RANBP2: variants seen among roughly 807,000 people sequenced by gnomAD.
The protein encoded by RANBP2 is RAN binding protein 2.
In RANBP2, 57 loss-of-function variants were observed where a neutral mutation model predicts 303.6. That is an observed-to-expected ratio of 0.19 (90% CI 0.15 to 0.23). The LOEUF (loss-of-function observed/expected upper bound fraction) is 0.23. Ranked by LOEUF, RANBP2 falls within the 10% of genes least tolerant of loss-of-function variation. The pLI is 1.00. For synonymous variants in RANBP2, 1,167 were observed against 1,301.5 expected (o/e 0.90, Z 2.23); for missense variants, 3,138 against 3,780.8 (o/e 0.83, Z 4.46).
At chr2:108,941,075 G>A in the RANBP2 span, among the ~76,000 whole-genome samples, 498 of 152,228 alleles carry the variant, frequency 3.3e-3, 4 homozygotes, top group African/African-American at 0.011. Flanking sequence ...GATTTTGCCT[G>A]TTCTAGATCT....
At chr2:109,330,978 G>A in the RANBP2 span, among the ~76,000 whole-genome samples, 1 of 152,218 alleles carries the variant, frequency 6.6e-6, no homozygotes, top group East Asian at 1.9e-4. Flanking sequence ...GTTGTGCCAT[G>A]CATTAGTTCA....
At chr2:108,980,154 G>A in the RANBP2 span, among the ~76,000 whole-genome samples, 3 of 152,132 alleles carry the variant, frequency 2.0e-5, no homozygotes, top group Non-Finnish European at 2.9e-5. Flanking sequence ...CACTTTCTCT[G>A]TTCTCAACCT....
the RANBP2 span, among the ~76,000 whole-genome samples, chr2:109,280,054 G>A: frequency 3.3e-5 from 5 of 152,130 alleles, no homozygotes; most frequent in Non-Finnish European, 5.9e-5. Flanking sequence ...TGCCAGCCAG[G>A]CTCCCCTCCT....
At chr2:108,922,554 A>G in the RANBP2 span, among the ~76,000 whole-genome samples, 1 of 152,132 alleles carries the variant, frequency 6.6e-6, no homozygotes, top group South Asian at 2.1e-4. Context: ...CCAGCGTGAT[A>G]AGACGCAGGC....
the RANBP2 span, among the ~76,000 whole-genome samples, chr2:109,330,239 G>A: frequency 6.6e-6 from 1 of 152,188 alleles, no homozygotes; most frequent in East Asian, 1.9e-4. Context: ...TCTGTGGGTT[G>A]CAGAAAGAAG....
chr2:108,732,171 A>C (rs1237458617), intron 4 of RANBP2, among the ~76,000 whole-genome samples: 1 of 152,168 alleles, frequency 6.6e-6, no homozygotes, highest in African/African-American at 2.4e-5. Context: ...TTCTATCCCC[A>C]TTATATATGT....
the RANBP2 span, among the ~76,000 whole-genome samples, chr2:109,335,318 G>A: frequency 5.4e-4 from 82 of 152,252 alleles, 1 homozygote; most frequent in Non-Finnish European, 1.1e-3. Flanking sequence ...CTCTCCCTAT[G>A]CCTCAAGTTT....
At chr2:108,931,000 C>G in the RANBP2 span, 2 of 1,613,986 alleles carry the variant, frequency 1.2e-6, no homozygotes, top group Admixed American at 3.3e-5. Flanking sequence ...GCGTGCAGTC[C>G]CCCACATGGG....
chr2:109,139,249 C>T, the RANBP2 span, among the ~76,000 whole-genome samples: 1 of 152,154 alleles, frequency 6.6e-6, no homozygotes, highest in Non-Finnish European at 1.5e-5. Context: ...GCGTGCAGAG[C>T]ATCAAGAATG....
chr2:109,159,402 G>A, the RANBP2 span, among the ~76,000 whole-genome samples: 2 of 152,232 alleles, frequency 1.3e-5, no homozygotes, highest in East Asian at 3.9e-4. Flanking sequence ...ACCAGGGCGG[G>A]CATGAGGCTG....
At chr2:109,544,128 A>G in the RANBP2 span, 1 of 1,529,466 alleles carries the variant, frequency 6.5e-7, no homozygotes, top group Non-Finnish European at 8.8e-7. Flanking sequence ...AGTATCATTC[A>G]CTCTGGCTTA....
At chr2:109,046,229 G>A in the RANBP2 span, among the ~76,000 whole-genome samples, 4 of 150,404 alleles carry the variant, frequency 2.7e-5, no homozygotes, top group Non-Finnish European at 3.0e-5. Context: ...GCTTGAACCC[G>A]GGAGGCGAAG....
At chr2:109,181,037 G>A in the RANBP2 span, among the ~76,000 whole-genome samples, 1 of 152,156 alleles carries the variant, frequency 6.6e-6, no homozygotes, top group African/African-American at 2.4e-5. Flanking sequence ...AAAGTCCTTT[G>A]ATGGCCAGCC....
the RANBP2 span, among the ~76,000 whole-genome samples, chr2:109,342,004 A>G: frequency 6.6e-6 from 1 of 152,200 alleles, no homozygotes; most frequent in South Asian, 2.1e-4. Flanking sequence ...CTTGGTGTGT[A>G]TACAATTAGG....
chr2:109,545,485 A>G, the RANBP2 span: 2 of 1,535,996 alleles, frequency 1.3e-6, no homozygotes, highest in African/African-American at 1.4e-5. Context: ...TACGTCCACC[A>G]TTGGTTTCAC....
chr2:108,923,514 C>A, the RANBP2 span: 10 of 1,528,898 alleles, frequency 6.5e-6, no homozygotes, highest in African/African-American at 1.4e-4. Flanking sequence ...CAGGCAGGGA[C>A]TGGTGCAGAG....
the RANBP2 span, among the ~76,000 whole-genome samples, chr2:109,230,309 C>G: frequency 6.6e-6 from 1 of 152,096 alleles, no homozygotes; most frequent in African/African-American, 2.4e-5. Flanking sequence ...GGCATAGTGC[C>G]TCACGCCTGT....
the RANBP2 span, among the ~76,000 whole-genome samples, chr2:109,106,112 C>T: frequency 6.6e-6 from 1 of 150,638 alleles, no homozygotes; most frequent in Non-Finnish European, 1.5e-5. Context: ...CTGCCCGCCC[C>T]AGCTTCCCAA....
chr2:109,207,641 T>G, the RANBP2 span, among the ~76,000 whole-genome samples: 1 of 152,146 alleles, frequency 6.6e-6, no homozygotes, highest in Non-Finnish European at 1.5e-5. Context: ...AGGGGTGCAG[T>G]TGCTGTATGA....
Sources: gnomAD v4.1 joint callset for allele counts (sites outside exome capture counted in the v4.1 genomes callset) on GRCh38, gnomAD v4.1.1 for gene constraint, MANE v1.5 for transcripts, NCBI Gene and HGNC (gene_info 2026-07-23, HGNC 2026-07-21) for gene names.